EFR3B: variants seen among roughly 807,000 people sequenced by gnomAD.
EFR3B encodes the protein EFR3 homolog B.
Under a neutral mutation model 104.7 loss-of-function variants are expected in EFR3B, and 64 were observed. The observed-to-expected ratio is 0.61, with a 90% CI of 0.50 to 0.75. The LOEUF (loss-of-function observed/expected upper bound fraction) is 0.75, where lower values mean the gene tolerates loss of function less well. Among genes scored for constraint, EFR3B ranks in the 30% least tolerant of loss-of-function variants. The pLI is 0.00. For synonymous variants in EFR3B, 385 were observed against 417.9 expected, an observed-to-expected ratio of 0.92 and a Z score of 0.96; for missense variants, 750 against 1,078.5, an observed-to-expected ratio of 0.70 and a Z score of 4.27.
chr2:25,111,598 C>G (rs1037133608), intron 4 of EFR3B, among the ~76,000 whole-genome samples: 2 of 152,196 alleles, frequency 1.3e-5, no homozygotes, highest in African/African-American at 4.8e-5. Context: ...AGGGACTTTG[C>G]AGATGTGATC....
At chr2:25,107,868 G>A (rs186450088) in intron 4 of EFR3B, among the ~76,000 whole-genome samples, 29 of 151,024 alleles carry the variant, frequency 1.9e-4, no homozygotes, top group Admixed American at 1.8e-3. Flanking sequence ...TTTTGAGATG[G>A]GGTCTCCCTC....
At chr2:25,065,680 C>T (rs1469289974) in intron 1 of EFR3B, among the ~76,000 whole-genome samples, 3 of 152,160 alleles carry the variant, frequency 2.0e-5, no homozygotes, top group African/African-American at 7.2e-5. Context: ...ACCTGCTTCT[C>T]AGTTCTCACT....
intron 1 of EFR3B, among the ~76,000 whole-genome samples, chr2:25,062,399 C>T (rs1668220493): frequency 1.3e-5 from 2 of 152,326 alleles, no homozygotes; most frequent in Non-Finnish European, 2.9e-5. Flanking sequence ...ACTCAAGGTA[C>T]TGAATGCTTA....
chr2:25,158,915 G>C lies in EFR3B; in HGVS notation c.*4575G>C, dbSNP rs997642702. On this transcript the variant is annotated 3_prime_UTR_variant, in exon 23 of 23. Coordinates refer to ENST00000403714, the MANE Select transcript of EFR3B (RefSeq NM_014971.2). ...TTGACAATATGTGTATATAATAGCT[G>C]GTGTATTTATATGTGAGTGCAGAAT... The C allele has an allele frequency of 3.3e-5, 5 of 152,120 alleles. No homozygotes were observed. Among genetic ancestry groups the C allele is most frequent in the African/African-American group, 1.2e-4 (5 of 41,390 alleles). The allele number at this position is 152,120 out of a possible 1,614,324, so 9.4% of individuals were successfully genotyped here.
At chr2:25,055,170 T>C (rs1245977857) in intron 1 of EFR3B, among the ~76,000 whole-genome samples, 1 of 152,258 alleles carries the variant, frequency 6.6e-6, no homozygotes, top group Non-Finnish European at 1.5e-5. Context: ...GTCTGTTCAC[T>C]CCATTGCCTC....
intron 5 of EFR3B, among the ~76,000 whole-genome samples, chr2:25,127,736 C>T (rs373646532): frequency 1.9e-4 from 29 of 152,170 alleles, no homozygotes; most frequent in African/African-American, 7.0e-4. Context: ...AGCCGACACC[C>T]CTTTGTGCCC....
intron 4 of EFR3B, among the ~76,000 whole-genome samples, chr2:25,116,386 G>T (rs750254632): frequency 4.9e-4 from 74 of 152,194 alleles, no homozygotes; most frequent in Non-Finnish European, 9.1e-4. Context: ...CACTTTGGGA[G>T]GCCAAGGCAG....
At chr2:25,050,946 C>G (rs1667850075) in intron 1 of EFR3B, among the ~76,000 whole-genome samples, 1 of 152,146 alleles carries the variant, frequency 6.6e-6, no homozygotes, top group Admixed American at 6.5e-5. Flanking sequence ...TTAATCTGCT[C>G]TTTATCTGTT....
chr2:25,070,945 C>G (rs1312105965), intron 1 of EFR3B, among the ~76,000 whole-genome samples: 1 of 152,252 alleles, frequency 6.6e-6, no homozygotes, highest in Non-Finnish European at 1.5e-5. Context: ...CACCACAGGT[C>G]AGGCTCAAGC....
At chr2:25,127,607 A>G (rs1418750171) in intron 5 of EFR3B, among the ~76,000 whole-genome samples, 1 of 152,186 alleles carries the variant, frequency 6.6e-6, no homozygotes, top group Non-Finnish European at 1.5e-5. Flanking sequence ...GCTAGTAAAG[A>G]GGGCTCCCTC....
intron 1 of EFR3B, among the ~76,000 whole-genome samples, chr2:25,064,437 C>T (rs889062365): frequency 2.0e-5 from 3 of 152,088 alleles, no homozygotes; most frequent in Non-Finnish European, 4.4e-5. Context: ...GGTGAGTAAC[C>T]CTGCTTTTTA....
intron 1 of EFR3B, among the ~76,000 whole-genome samples, chr2:25,070,789 G>A (rs988055329): frequency 6.6e-6 from 1 of 152,214 alleles, no homozygotes; most frequent in African/African-American, 2.4e-5. Flanking sequence ...CAGAGGCTCA[G>A]AGGGACAGAC....
In EFR3B at chr2:25,151,955, C is replaced by A. The variant is rs1304974202; in HGVS notation, c.2233C>A (p.Arg745=). The A allele has an allele frequency of 1.3e-6, 2 of 1,551,664 alleles. No homozygotes were observed. Among genetic ancestry groups the A allele is most frequent in the South Asian group, 1.2e-5 (1 of 84,054 alleles). The change falls in exon 21 of 23, where the codon CGG becomes AGG. Residue 745 remains arginine (R), a synonymous_variant. Transcript: ENST00000403714. ...AVEEQERERR[R]QVVEKFQKAP... The stretch of plus-strand genomic sequence containing the variant: ...GGAGGAGCAGGAGCGTGAGCGGCGG[C>A]GGCAGGTGGTGGAGAAGTTCCAGAA...
At position 25,042,789 on chromosome 2, in the gene EFR3B, C is replaced by A. The variant is rs1667608471; in HGVS notation, c.7+470C>A. ...GCCGGCGGCGCAGAGGCCCGGGGAG[C>A]AGCCAGTGGCCGAGTCTCGTCTCGC... On this transcript the variant is annotated intron_variant, in intron 1 of 22. Coordinates refer to ENST00000403714, the MANE Select transcript of EFR3B (RefSeq NM_014971.2). This position sits in a 1 kb window ranked among gnomAD's most constrained non-coding sequence, Gnocchi z 5.4. 2.8e-6 allele frequency: 2 copies of A among 715,698 alleles called. No individual in the cohort carries two copies. Among genetic ancestry groups the A allele is most frequent in the Non-Finnish European group, 3.4e-6 (2 of 583,112 alleles). 44.3% of individuals were successfully genotyped at this position (715,698 alleles called of 1,614,324 possible).
chr2:25,141,674 G>A (rs964197830), intron 17 of EFR3B, among the ~76,000 whole-genome samples: 3 of 152,214 alleles, frequency 2.0e-5, no homozygotes, highest in Admixed American at 1.3e-4. Flanking sequence ...CACAGCCTCC[G>A]GGGGCTTTGG....
In EFR3B at chr2:25,128,343, C is replaced by T. The variant is rs983433266; in HGVS notation, c.635+11C>T. 6 of 1,551,500 alleles carry T rather than the reference C, an allele frequency of 3.9e-6. No individual in the cohort carries two copies. The highest frequency in any genetic ancestry group is 1.4e-5 in the African/African-American group (1 of 72,996). ...AGAGGAGGCAGAGAGGTAAGCAGGCCGGGATGGGGCAGGACAGTAGATATA... is the reference window on the plus strand; with the variant it reads ...AGAGGAGGCAGAGAGGTAAGCAGGCTGGGATGGGGCAGGACAGTAGATATA... On this transcript the variant is annotated intron_variant, in intron 6 of 22. Transcript: ENST00000403714.
chr2:25,042,223 C>G lies in EFR3B; in HGVS notation c.-90C>G, dbSNP rs988389027. ...CTGTCGGCCGCCGCCAGTCCCCGCCCCGACTGTGAATGAAAGGCGGGCGCC... is the reference window on the plus strand; with the variant it reads ...CTGTCGGCCGCCGCCAGTCCCCGCCGCGACTGTGAATGAAAGGCGGGCGCC... On this transcript the variant is annotated 5_prime_UTR_variant, in exon 1 of 23. Coordinates refer to ENST00000403714, the MANE Select transcript of EFR3B (RefSeq NM_014971.2). This position sits in a 1 kb window ranked among gnomAD's most constrained non-coding sequence, Gnocchi z 5.4. The G allele has an allele frequency of 7.9e-7, 1 of 1,265,532 alleles. No individual in the cohort carries two copies. The highest frequency in any genetic ancestry group is 3.9e-5 in the Admixed American group (1 of 25,832). The allele number at this position is 1,265,532 out of a possible 1,614,324, so 78.4% of individuals were successfully genotyped here. A position where few individuals can be genotyped will look rare whatever the true frequency, so the allele number is the denominator to read the frequency against.
At position 25,154,363 on chromosome 2, in the gene EFR3B, A is replaced by C. The variant is rs1671102144; in HGVS notation, c.*23A>C. 1 of 1,547,058 alleles carries C rather than the reference A, an allele frequency of 6.5e-7. No homozygotes were observed. Among genetic ancestry groups the C allele is most frequent in the Non-Finnish European group, 8.8e-7 (1 of 1,142,728 alleles). On this transcript the variant is annotated 3_prime_UTR_variant, in exon 23 of 23. Transcript: ENST00000403714. The surrounding 1 kb of genome is among the most constrained non-coding windows in gnomAD (Gnocchi z 4.1). ...TGAATTCCAAGAGCCTGAGCTCCTC[A>C]AGGAGATGGGGTCTGAGGAGGGGCT... is the stretch of plus-strand genomic sequence containing the variant.
intron 3 of EFR3B, among the ~76,000 whole-genome samples, chr2:25,096,506 G>C (rs779504209): frequency 6.6e-6 from 1 of 152,110 alleles, no homozygotes; most frequent in Non-Finnish European, 1.5e-5. Flanking sequence ...CCCAAGCTGC[G>C]CTTTCCTAGC....
Sources: gnomAD v4.1 joint callset for allele counts (sites outside exome capture counted in the v4.1 genomes callset) on GRCh38, gnomAD v4.1.1 for gene constraint, Gnocchi (gnomAD v3.1) non-coding constraint, MANE v1.5 for transcripts, NCBI Gene and HGNC (gene_info 2026-07-23, HGNC 2026-07-21) for gene names.